The following RAPGEF4 variants were observed in gnomAD, a reference collection of about 807,000 sequenced individuals.
The protein encoded by RAPGEF4 is Rap guanine nucleotide exchange factor 4.
RAPGEF4 carries 66 observed loss-of-function variants against 147.9 expected under a neutral mutation model. The observed-to-expected ratio is 0.45, with a 90% confidence interval of 0.37 to 0.55. The LOEUF is 0.55. Among genes scored for constraint, RAPGEF4 ranks in the 20% least tolerant of loss-of-function variants. The pLI is 0.00. For missense variants in RAPGEF4, 1,071 were observed against 1,257.3 expected, an observed-to-expected ratio of 0.85 and a Z score of 2.24; for synonymous variants, 419 against 442.7, an observed-to-expected ratio of 0.95 and a Z score of 0.67.
At chr2:172,903,395 G>A (rs995022871) in intron 4 of RAPGEF4, among the ~76,000 whole-genome samples, 3 of 146,862 alleles carry the variant, frequency 2.0e-5, no homozygotes, top group Non-Finnish European at 3.0e-5. Flanking sequence ...AAAAGAAGCC[G>A]GGCGTGGTAG....
At chr2:172,805,874 A>G (rs1687444105) in intron 3 of RAPGEF4, among the ~76,000 whole-genome samples, 1 of 152,192 alleles carries the variant, frequency 6.6e-6, no homozygotes, top group Admixed American at 6.5e-5. Flanking sequence ...AATGAATAAT[A>G]CTATGGGTGT....
chr2:172,760,238 C>T (rs1696174914), intron 1 of RAPGEF4, among the ~76,000 whole-genome samples: 1 of 152,186 alleles, frequency 6.6e-6, no homozygotes. Context: ...TGTGATGAAG[C>T]AGCTCTTTAC....
chr2:172,773,644 G>GCCCCCCTGCCCCACACTGC (rs1683860549), intron 1 of RAPGEF4, among the ~76,000 whole-genome samples: 2 of 115,594 alleles, frequency 1.7e-5, no homozygotes, highest in African/African-American at 6.4e-5. Context: ...GCCCCACACT[G>GCCCCCCTGCCCCACACTGC]CCCCCCCCGC....
chr2:172,866,871 A>G (rs1042757837), intron 4 of RAPGEF4, among the ~76,000 whole-genome samples: 3 of 152,092 alleles, frequency 2.0e-5, no homozygotes, highest in Admixed American at 2.0e-4. Context: ...TAGTGTTTAT[A>G]GTGTAAACTT....
chr2:172,921,219 G>A (rs193263101), intron 5 of RAPGEF4, among the ~76,000 whole-genome samples: 36 of 151,698 alleles, frequency 2.4e-4, no homozygotes, highest in South Asian at 1.0e-3. Context: ...TGGTTCAGGC[G>A]GTCCTCCCAA....
At chr2:172,746,107 G>A (rs1029954167) in intron 1 of RAPGEF4, among the ~76,000 whole-genome samples, 1 of 152,122 alleles carries the variant, frequency 6.6e-6, no homozygotes, top group African/African-American at 2.4e-5. Flanking sequence ...TGATTGAGTT[G>A]CAATGACTTT....
At chr2:172,902,510 C>T (rs1658254575) in intron 4 of RAPGEF4, among the ~76,000 whole-genome samples, 2 of 151,986 alleles carry the variant, frequency 1.3e-5, no homozygotes, top group Non-Finnish European at 1.5e-5. Flanking sequence ...ACCATGTTGG[C>T]CAGGCTGGTC....
chr2:172,759,359 A>G lies in RAPGEF4; in HGVS notation c.65+23311A>G, dbSNP rs535966699. Among the ~76,000 whole-genome samples, 20 of 152,328 alleles carry G rather than the reference A, an allele frequency of 1.3e-4. No individual in the cohort carries two copies. The South Asian group carries it at 2.1e-3, about 16-fold the overall frequency. ...GAGATCATTCAATGAGAATGCAGGT[A>G]AGTGGGAAAGTAAAGGAAGATGAAA... is the stretch of plus-strand genomic sequence containing the variant. On this transcript the variant is annotated intron_variant, in intron 1 of 30. Coordinates refer to ENST00000397081, the MANE Select transcript of RAPGEF4 (RefSeq NM_007023.4).
In RAPGEF4 at chr2:173,023,599, C is replaced by A. The variant is rs1307658547; in HGVS notation, c.2253+2884C>A. 7.2e-5 allele frequency among the ~76,000 whole-genome samples: 11 copies of A among 152,280 alleles called. No homozygotes were observed. The East Asian group carries it at 1.9e-3, about 27-fold the overall frequency. On this transcript the variant is annotated intron_variant, in intron 23 of 30. Coordinates refer to ENST00000397081, the MANE Select transcript of RAPGEF4 (RefSeq NM_007023.4). ...CGGGAGAGAGACTTGGTGAGCCCTG[C>A]CCACTGAAAGAAAAGTTGAGACTCA... is the stretch of plus-strand genomic sequence containing the variant.
chr2:172,749,701 C>G (rs13403194), intron 1 of RAPGEF4, among the ~76,000 whole-genome samples: 14,074 of 152,284 alleles, frequency 0.092, 713 homozygotes, highest in South Asian at 0.15. Flanking sequence ...ATTTCTGCAG[C>G]CAGCATGAAT....
intron 4 of RAPGEF4, among the ~76,000 whole-genome samples, chr2:172,876,490 G>C (rs903172631): frequency 9.2e-5 from 14 of 152,230 alleles, no homozygotes; most frequent in African/African-American, 3.1e-4. Flanking sequence ...GGCCTTTTCT[G>C]CATCTATTGA....
intron 4 of RAPGEF4, among the ~76,000 whole-genome samples, chr2:172,833,539 G>A (rs551065316): frequency 2.0e-5 from 3 of 151,850 alleles, no homozygotes; most frequent in Non-Finnish European, 4.4e-5. Flanking sequence ...CCCTAATCAC[G>A]CATCTTTTAA....
At chr2:172,878,313 C>T (rs1031794223) in intron 4 of RAPGEF4, among the ~76,000 whole-genome samples, 1 of 152,142 alleles carries the variant, frequency 6.6e-6, no homozygotes, top group Non-Finnish European at 1.5e-5. Flanking sequence ...TGTTGATGGA[C>T]CCATTCACAT....
intron 4 of RAPGEF4, chr2:172,821,830 C>A: frequency 7.5e-7 from 1 of 1,341,940 alleles, no homozygotes; most frequent in Non-Finnish European, 9.7e-7. Context: ...AGTTTCCTTT[C>A]TGTGGACTGA....
At chr2:172,782,416 G>A (rs1678337921) in intron 1 of RAPGEF4, among the ~76,000 whole-genome samples, 1 of 152,104 alleles carries the variant, frequency 6.6e-6, no homozygotes. Context: ...CTCTTCGAAG[G>A]GTCTCCCTCT....
At chr2:172,753,305 TAAA>T (rs905291185) in intron 1 of RAPGEF4, among the ~76,000 whole-genome samples, 1 of 151,592 alleles carries the variant, frequency 6.6e-6, no homozygotes, top group African/African-American at 2.4e-5. Context: ...AATAATAAAA[TAAA>T]AACAACAAAA....
chr2:172,830,724 C>T (rs1205109854), intron 4 of RAPGEF4, among the ~76,000 whole-genome samples: 2 of 152,340 alleles, frequency 1.3e-5, no homozygotes, highest in East Asian at 3.9e-4. Flanking sequence ...CCACCTTAGC[C>T]TCCTGTGTAG....
chr2:172,970,167 A>G (rs1326471040), intron 10 of RAPGEF4, among the ~76,000 whole-genome samples: 1 of 145,658 alleles, frequency 6.9e-6, no homozygotes, highest in Admixed American at 7.4e-5. Context: ...CTACATGTAC[A>G]TACACACACA....
chr2:172,831,586 G>A (rs1411573009), intron 4 of RAPGEF4, among the ~76,000 whole-genome samples: 2 of 151,940 alleles, frequency 1.3e-5, no homozygotes, highest in East Asian at 1.9e-4. Context: ...AAAACTTTAA[G>A]TATGTAAGAA....
Sources: allele counts gnomAD v4.1 joint callset (sites outside exome capture counted in the v4.1 genomes callset), GRCh38; gene constraint gnomAD v4.1.1; transcripts MANE v1.5; gene names NCBI Gene and HGNC (gene_info 2026-07-23, HGNC 2026-07-21).